WDR72: variants seen among roughly 807,000 people sequenced by gnomAD.
WDR72 encodes the protein WD repeat domain 72.
In WDR72, 120 loss-of-function variants were observed where a neutral mutation model predicts 124.2. That is an observed-to-expected ratio of 0.97 (90% CI 0.83 to 1.12). The LOEUF (loss-of-function observed/expected upper bound fraction) is 1.12. Ranked by LOEUF, WDR72 falls within the 50% of genes most tolerant of loss-of-function variation. WDR72 has a pLI of 0.00. For synonymous variants in WDR72, 452 were observed against 441.7 expected (o/e 1.02, Z -0.29); for missense variants, 1,387 against 1,278.8 (o/e 1.08, Z -1.29).
chr15:53,686,844 A>G (rs1016732898), intron 13 of WDR72, among the ~76,000 whole-genome samples: 12 of 151,794 alleles, frequency 7.9e-5, no homozygotes, highest in Non-Finnish European at 1.5e-4. Flanking sequence ...AAAAGAACAG[A>G]AATTATAACA....
intron 14 of WDR72, among the ~76,000 whole-genome samples, chr15:53,630,169 GA>G (rs1183816462): frequency 6.6e-6 from 1 of 152,118 alleles, no homozygotes; most frequent in Non-Finnish European, 1.5e-5. Context: ...AGAAGAAATA[GA>G]AAGTGGAACA....
chr15:53,761,368 G>A (rs534398189), upstream of WDR72, among the ~76,000 whole-genome samples: 12 of 152,156 alleles, frequency 7.9e-5, no homozygotes, highest in African/African-American at 2.9e-4. Flanking sequence ...CATTGTTGGT[G>A]GCAATATAAA....
At chr15:53,555,261 G>A (rs113452303) in intron 18 of WDR72, among the ~76,000 whole-genome samples, 2 of 151,898 alleles carry the variant, frequency 1.3e-5, no homozygotes, top group African/African-American at 4.8e-5. Flanking sequence ...AGGAAACTGT[G>A]CACCAACTCA....
intron 14 of WDR72, among the ~76,000 whole-genome samples, chr15:53,639,146 C>T (rs35334711): frequency 0.042 from 6,446 of 152,142 alleles, 167 homozygotes; most frequent in Non-Finnish European, 0.055. Context: ...CTCTGAATCC[C>T]CTCTCTTTCT....
chr15:53,523,420 A>G, intron 18 of WDR72, 98 bp from the exon 19 acceptor site: 1 of 1,116,214 alleles, frequency 9.0e-7, no homozygotes, highest in Non-Finnish European at 1.3e-6. Context: ...TTCCACAGAT[A>G]TTTCCAGGGA....
chr15:53,557,155 T>C (rs1014239311), intron 18 of WDR72, among the ~76,000 whole-genome samples: 8 of 152,060 alleles, frequency 5.3e-5, no homozygotes, highest in Non-Finnish European at 1.0e-4. Flanking sequence ...TCCAAAAAGC[T>C]TGGAGGCCAA....
At chr15:53,677,052 C>G (rs2016198081) in intron 13 of WDR72, among the ~76,000 whole-genome samples, 1 of 151,674 alleles carries the variant, frequency 6.6e-6, no homozygotes, top group Non-Finnish European at 1.5e-5. Context: ...TCCCAAGCAG[C>G]TGGGACTACA....
chr15:53,686,808 G>A lies in WDR72; in HGVS notation c.1765+12942C>T, dbSNP rs1435305266. Among the ~76,000 whole-genome samples, 3 of 150,660 alleles carry A rather than the reference G, an allele frequency of 2.0e-5. No individual in the cohort carries two copies. In the South Asian group the frequency reaches 6.4e-4, roughly 32 times the overall value. ...TATTCCAAAATTGACCACATACTTG[G>A]AAGTAAAGCTCTCCTCAGCAAATGT... On this transcript the variant is annotated intron_variant, in intron 13 of 19. Transcript: ENST00000360509.
rs765673581 is a variant in WDR72 at position 53,665,785 on chromosome 15, G to A, written c.1766-17C>T. On this transcript the variant is annotated splice_polypyrimidine_tract_variant and intron_variant, in intron 13 of 19. Coordinates refer to ENST00000360509, the MANE Select transcript of WDR72 (RefSeq NM_182758.4). Reference sequence around the variant, plus strand: ...CCAAAGTGCCTGGAAAACAAGATTAGAGGTAAAAATGTCAGGAAAATATTT... The same window carrying A: ...CCAAAGTGCCTGGAAAACAAGATTAAAGGTAAAAATGTCAGGAAAATATTT... The A allele has an allele frequency of 6.2e-7, 1 of 1,612,356 alleles. No individual in the cohort carries two copies. The highest frequency in any genetic ancestry group is 1.8e-4 in the Middle Eastern group (1 of 5,680).
chr15:53,646,610 T>C (rs1012102584), intron 14 of WDR72, among the ~76,000 whole-genome samples: 1 of 152,164 alleles, frequency 6.6e-6, no homozygotes, highest in Non-Finnish European at 1.5e-5. Flanking sequence ...TAGGGACCAA[T>C]GTATTCTCCC....
chr15:53,688,564 G>C (rs2016726177), intron 13 of WDR72, among the ~76,000 whole-genome samples: 2 of 152,070 alleles, frequency 1.3e-5, no homozygotes, highest in African/African-American at 4.8e-5. Context: ...AAATAAAAGA[G>C]GATACAAACA....
chr15:53,747,290 G>T (rs563684475), intron 1 of WDR72, among the ~76,000 whole-genome samples: 1 of 152,030 alleles, frequency 6.6e-6, no homozygotes, highest in Non-Finnish European at 1.5e-5. Context: ...AGTGTCCAAG[G>T]CATATTTAAA....
rs753296388 is a variant in WDR72, at chr15:53,729,567, C to T, written c.153+3430G>A. Among the ~76,000 whole-genome samples, 54 of 151,940 alleles carry T rather than the reference C, an allele frequency of 3.6e-4. 1 individual carries two copies. The highest frequency in any genetic ancestry group is 1.2e-4 in the Non-Finnish European group (8 of 68,008). On this transcript the variant is annotated intron_variant, in intron 2 of 19. Transcript: ENST00000360509. ...ACCCATCCTGTCCTTTCCAGATGAG[C>T]CTGTCACCTCTAATTCACCATGTAT...
rs1418944190 is a variant in WDR72 at position 53,516,716 on chromosome 15, T to A, written c.*983A>T. ...CATATTTAATACTTTATATCCTTTT[T>A]TCTATGGATTAGGCAATATTTATAT... On this transcript the variant is annotated 3_prime_UTR_variant, in exon 20 of 20. Transcript: ENST00000360509. 1 of 152,030 alleles carries A rather than the reference T, an allele frequency of 6.6e-6. No individual in the cohort carries two copies. The highest frequency in any genetic ancestry group is 2.4e-5 in the African/African-American group (1 of 41,428). 9.4% of individuals were successfully genotyped at this position (152,030 alleles called of 1,614,324 possible). A position where few individuals can be genotyped will look rare whatever the true frequency, so the allele number is the denominator to read the frequency against.
chr15:53,524,470 T>C (rs1187172883), intron 18 of WDR72, among the ~76,000 whole-genome samples: 2 of 152,080 alleles, frequency 1.3e-5, no homozygotes, highest in Non-Finnish European at 2.9e-5. Context: ...CTTCACACAT[T>C]TGGTACGTGA....
intron 18 of WDR72, among the ~76,000 whole-genome samples, chr15:53,535,530 T>C (rs1401517499): frequency 6.6e-6 from 1 of 152,180 alleles, no homozygotes; most frequent in Non-Finnish European, 1.5e-5. Context: ...AGGTCTTAGA[T>C]AGGAGGGTCA....
intron 14 of WDR72, among the ~76,000 whole-genome samples, chr15:53,635,350 A>AG (rs1465405325): frequency 6.6e-6 from 1 of 152,226 alleles, no homozygotes; most frequent in African/African-American, 2.4e-5. Context: ...CTTATGGAGC[A>AG]AATTGAGGTA....
intron 2 of WDR72, among the ~76,000 whole-genome samples, chr15:53,726,608 G>C (rs2018046476): frequency 6.6e-6 from 1 of 152,086 alleles, no homozygotes; most frequent in South Asian, 2.1e-4. Context: ...TTGGCAGGCA[G>C]AGGCAAGAGG....
chr15:53,651,007 G>A (rs2015219748), intron 14 of WDR72, among the ~76,000 whole-genome samples: 1 of 147,122 alleles, frequency 6.8e-6, no homozygotes, highest in African/African-American at 2.5e-5. Flanking sequence ...TTTAATACTT[G>A]GAAGTCAAGC....
Sources: gnomAD v4.1 joint callset for allele counts (sites outside exome capture counted in the v4.1 genomes callset) on GRCh38, gnomAD v4.1.1 for gene constraint, MANE v1.5 for transcripts, NCBI Gene and HGNC (gene_info 2026-07-23, HGNC 2026-07-21) for gene names.